LPP: variants seen among roughly 807,000 people sequenced by gnomAD.
LPP encodes the protein LIM domain containing preferred translocation partner in lipoma, also known as lipoma-preferred partner.
Under a neutral mutation model 60.4 loss-of-function variants are expected in LPP, and 38 were observed. The ratio of observed to expected loss-of-function variants is 0.63; its 90% confidence interval spans 0.49 to 0.83. LPP has a LOEUF of 0.83. Ranked by LOEUF, LPP falls within the 40% of genes least tolerant of loss-of-function variation. LPP has a pLI of 0.00. For missense variants in LPP, 902 were observed against 783.6 expected (o/e 1.15, Z -1.80); for synonymous variants, 328 against 290.8 (o/e 1.13, Z -1.30).
In LPP at chr3:188,878,426, G is replaced by A; in HGVS notation, c.*3947G>A. 4.6e-6 allele frequency: 1 copy of A among 215,316 alleles called. No individual in the cohort carries two copies. Among genetic ancestry groups the A allele is most frequent in the Non-Finnish European group, 9.4e-6 (1 of 106,542 alleles). 13.3% of individuals were successfully genotyped at this position (215,316 alleles called of 1,614,324 possible). On this transcript the variant is annotated 3_prime_UTR_variant, in exon 12 of 12. Transcript: ENST00000617246. ...TATTCTACCTTAGTATTTCACATTTGTAGTTCAAACAAGCGATTGTCCATC... is the reference window on the plus strand; with the variant it reads ...TATTCTACCTTAGTATTTCACATTTATAGTTCAAACAAGCGATTGTCCATC...
intron 1 of LPP, among the ~76,000 whole-genome samples, chr3:188,200,995 C>T (rs1014975735): frequency 2.6e-5 from 4 of 152,152 alleles, no homozygotes; most frequent in African/African-American, 4.8e-5. Context: ...CAGTTGCCCA[C>T]GTTCAGTTTC....
At chr3:188,700,382 A>G (rs1440405749) in intron 7 of LPP, among the ~76,000 whole-genome samples, 3 of 152,192 alleles carry the variant, frequency 2.0e-5, no homozygotes, top group Non-Finnish European at 4.4e-5. Flanking sequence ...ATTGCGACAG[A>G]TAGTGGGTAT....
Position 188,592,563 on chromosome 3 carries a change from T to TTTTTGG in LPP, c.430-16598_430-16597insTTTTGG. On this transcript the variant is annotated intron_variant, in intron 6 of 11. Transcript: ENST00000617246. ...TGTTTTTAGTTTTGTTTTTGTTTTT[T>TTTTTGG]AAATGGAGTCTCACTCTTTCTCCCA... 1.2e-4 allele frequency among the ~76,000 whole-genome samples: 9 copies of TTTTTGG among 77,226 alleles called. 2 individuals carry two copies. The highest frequency in any genetic ancestry group is 2.3e-4 in the African/African-American group (5 of 21,344). 50.7% of individuals were successfully genotyped at this position (77,226 alleles called of 152,430 possible). A position where few individuals can be genotyped will look rare whatever the true frequency, so the allele number is the denominator to read the frequency against.
intron 7 of LPP, among the ~76,000 whole-genome samples, chr3:188,614,931 A>G (rs1167979472): frequency 6.6e-6 from 1 of 152,116 alleles, no homozygotes; most frequent in Non-Finnish European, 1.5e-5. Flanking sequence ...CCCCATCCCC[A>G]TCAGTCACAT....
chr3:188,584,081 C>T (rs955196984), intron 6 of LPP, among the ~76,000 whole-genome samples: 7 of 152,232 alleles, frequency 4.6e-5, no homozygotes, highest in South Asian at 2.1e-4. Context: ...CGTTTGGCCT[C>T]GGGTGGGAGT....
chr3:188,483,979 A>G (rs989380853), intron 4 of LPP, among the ~76,000 whole-genome samples: 2 of 151,876 alleles, frequency 1.3e-5, no homozygotes, highest in African/African-American at 4.8e-5. Context: ...TTTATAACTC[A>G]CTGGCATTAT....
At chr3:188,769,027 A>G (rs549641055) in intron 9 of LPP, among the ~76,000 whole-genome samples, 79 of 152,338 alleles carry the variant, frequency 5.2e-4, no homozygotes, top group African/African-American at 1.8e-3. Flanking sequence ...AAAGTTTAGT[A>G]AGCTGACAAT....
At chr3:188,190,297 G>A (rs540869274) in intron 1 of LPP, among the ~76,000 whole-genome samples, 9 of 152,056 alleles carry the variant, frequency 5.9e-5, no homozygotes, top group Non-Finnish European at 1.2e-4. Flanking sequence ...GACCTCATGT[G>A]ATCCGCCCGC....
At chr3:188,516,394 G>A (rs1817370239) in intron 5 of LPP, among the ~76,000 whole-genome samples, 1 of 152,048 alleles carries the variant, frequency 6.6e-6, no homozygotes, top group South Asian at 2.1e-4. Flanking sequence ...TGGTGAGGCT[G>A]CTCATATTAC....
chr3:188,563,959 T>C (rs1410234317), intron 6 of LPP, among the ~76,000 whole-genome samples: 2 of 151,906 alleles, frequency 1.3e-5, no homozygotes, highest in East Asian at 3.9e-4. Flanking sequence ...GCACTCACCA[T>C]GGAAGAAGAG....
intron 4 of LPP, among the ~76,000 whole-genome samples, chr3:188,415,814 G>T (rs963999205): frequency 1.3e-5 from 2 of 151,692 alleles, no homozygotes; most frequent in Non-Finnish European, 2.9e-5. Flanking sequence ...CAAAGAGGAC[G>T]CAGCAAGAGT....
chr3:188,492,091 CA>C (rs1293003079), intron 5 of LPP, among the ~76,000 whole-genome samples: 2 of 151,680 alleles, frequency 1.3e-5, no homozygotes, highest in East Asian at 1.9e-4. Flanking sequence ...AACTGCTCGA[CA>C]AAAAAAAGTC....
chr3:188,540,817 A>G (rs1515432), intron 6 of LPP, among the ~76,000 whole-genome samples: 8,357 of 152,250 alleles, frequency 0.055, 770 homozygotes, highest in African/African-American at 0.19. Context: ...AATTTGGCCC[A>G]TGATGTCCCA....
chr3:188,417,908 ATT>A (rs150054580), intron 4 of LPP, among the ~76,000 whole-genome samples: 1 of 152,242 alleles, frequency 6.6e-6, no homozygotes, highest in African/African-American at 2.4e-5. Flanking sequence ...TAACTTAATC[ATT>A]TTTTGTTTTG....
At chr3:188,626,847 G>T (rs1396233179) in intron 7 of LPP, among the ~76,000 whole-genome samples, 3 of 151,914 alleles carry the variant, frequency 2.0e-5, no homozygotes, top group Non-Finnish European at 4.4e-5. Context: ...GTAGGCAAAT[G>T]AACATTTATT....
At chr3:188,211,382 T>C (rs1734643692) in intron 1 of LPP, among the ~76,000 whole-genome samples, 1 of 152,090 alleles carries the variant, frequency 6.6e-6, no homozygotes, top group Admixed American at 6.6e-5. Flanking sequence ...AAAGGACTCA[T>C]CTGACCTCCA....
At chr3:188,549,597 G>A (rs953467176) in intron 6 of LPP, among the ~76,000 whole-genome samples, 2 of 152,178 alleles carry the variant, frequency 1.3e-5, no homozygotes, top group South Asian at 2.1e-4. Flanking sequence ...CATGAAGGCT[G>A]TAGCATTGTG....
chr3:188,408,750 A>T (rs1784255278), intron 4 of LPP, among the ~76,000 whole-genome samples: 1 of 147,574 alleles, frequency 6.8e-6, no homozygotes, highest in Non-Finnish European at 1.5e-5. Context: ...TAACCCTACA[A>T]AATGTTTTTT....
chr3:188,806,112 A>G (rs1246871169), intron 9 of LPP, among the ~76,000 whole-genome samples: 4 of 151,882 alleles, frequency 2.6e-5, no homozygotes, highest in Non-Finnish European at 4.4e-5. Context: ...GTATTGTACA[A>G]GTTCTCTCTA....
Sources: allele counts gnomAD v4.1 joint callset (sites outside exome capture counted in the v4.1 genomes callset), GRCh38; gene constraint gnomAD v4.1.1; transcripts MANE v1.5; gene names NCBI Gene and HGNC (gene_info 2026-07-23, HGNC 2026-07-21).